Variants in SPATA16 observed in about 807,000 individuals in gnomAD.
SPATA16 encodes the protein spermatogenesis-associated protein 16.
A neutral mutation model predicts 63.3 loss-of-function variants in SPATA16; 36 were observed. That is an observed-to-expected ratio of 0.57 (90% CI 0.44 to 0.75). SPATA16 has a LOEUF of 0.75. Ranked by LOEUF, SPATA16 falls within the 30% of genes least tolerant of loss-of-function variation. SPATA16 has a pLI of 0.00. For missense variants in SPATA16, 646 were observed against 679.3 expected (o/e 0.95, Z 0.54); for synonymous variants, 203 against 216.7 (o/e 0.94, Z 0.56).
intron 6 of SPATA16, among the ~76,000 whole-genome samples, chr3:172,928,577 G>A (rs546663111): frequency 5.3e-5 from 8 of 152,198 alleles, no homozygotes; most frequent in Admixed American, 4.6e-4. Context: ...GACTTTGAAT[G>A]GTTTACCTCT....
chr3:172,913,650 C>T lies in SPATA16; in HGVS notation c.1587+11G>A, dbSNP rs180982039. 4.8e-5 allele frequency: 77 copies of T among 1,612,462 alleles called. 1 individual carries two copies. Among genetic ancestry groups the T allele is most frequent in the Non-Finnish European group, 3.4e-6 (4 of 1,178,790 alleles). Reference sequence around the variant, plus strand: ...AATAATAGATCTTTTTCCTTCAGCTCAAAGTTTTACCTTTTGGATCATATT... The same window carrying T: ...AATAATAGATCTTTTTCCTTCAGCTTAAAGTTTTACCTTTTGGATCATATT... On this transcript the variant is annotated intron_variant, in intron 10 of 10. Transcript: ENST00000351008.
At chr3:173,019,190 C>T (rs1735260728) in intron 4 of SPATA16, among the ~76,000 whole-genome samples, 1 of 152,084 alleles carries the variant, frequency 6.6e-6, no homozygotes, top group Admixed American at 6.5e-5. Flanking sequence ...TGGACAAGAA[C>T]ATCCCCGAGA....
chr3:173,040,471 A>T (rs185526321), intron 3 of SPATA16, among the ~76,000 whole-genome samples: 1 of 152,182 alleles, frequency 6.6e-6, no homozygotes, highest in Admixed American at 6.6e-5. Flanking sequence ...TGTTGTGTCA[A>T]TATTGTAAAA....
chr3:172,970,212 A>G (rs1195316535), intron 5 of SPATA16, among the ~76,000 whole-genome samples: 1 of 152,060 alleles, frequency 6.6e-6, no homozygotes, highest in African/African-American at 2.4e-5. Flanking sequence ...CGTGATGCCT[A>G]TTTTCCTTTG....
chr3:172,988,555 C>T (rs1734505527), intron 4 of SPATA16, among the ~76,000 whole-genome samples: 2 of 151,896 alleles, frequency 1.3e-5, no homozygotes, highest in Non-Finnish European at 2.9e-5. Context: ...GAGATCCACT[C>T]AGAGATGTTC....
intron 2 of SPATA16, among the ~76,000 whole-genome samples, chr3:173,108,286 T>C (rs1426501754): frequency 6.6e-6 from 1 of 152,188 alleles, no homozygotes; most frequent in Non-Finnish European, 1.5e-5. Context: ...TTAATTTGTT[T>C]TTTAAATGAA....
At chr3:172,989,047 T>C (rs752487896) in intron 4 of SPATA16, among the ~76,000 whole-genome samples, 6 of 152,228 alleles carry the variant, frequency 3.9e-5, no homozygotes, top group Non-Finnish European at 8.8e-5. Flanking sequence ...TTCAGCACTT[T>C]TCTAGACCCC....
At chr3:173,056,429 G>A (rs758188680) in intron 2 of SPATA16, among the ~76,000 whole-genome samples, 2 of 152,108 alleles carry the variant, frequency 1.3e-5, no homozygotes, top group East Asian at 1.9e-4. Flanking sequence ...AATGCCGGGC[G>A]CAGTGGCTCA....
chr3:173,084,929 T>C lies in SPATA16; in HGVS notation c.612+32191A>G, dbSNP rs553208070. On this transcript the variant is annotated intron_variant, in intron 2 of 10. Transcript: ENST00000351008. Reference sequence around the variant, plus strand: ...TGTTTTGGTTACTGTAGCCTTGTAGTATAGTTTGAAGTTGGATAGCGTGAT... The same window carrying C: ...TGTTTTGGTTACTGTAGCCTTGTAGCATAGTTTGAAGTTGGATAGCGTGAT... Among the ~76,000 whole-genome samples, 34 of 152,328 alleles carry C rather than the reference T, an allele frequency of 2.2e-4. 1 individual carries two copies. The South Asian group carries it at 5.4e-3, about 24-fold the overall frequency.
intron 4 of SPATA16, among the ~76,000 whole-genome samples, chr3:173,016,850 C>T (rs981082772): frequency 1.3e-5 from 2 of 152,030 alleles, no homozygotes; most frequent in Admixed American, 6.5e-5. Context: ...CCCATCTAGA[C>T]TAAAAATACA....
At chr3:172,953,656 G>T (rs899269520) in intron 6 of SPATA16, among the ~76,000 whole-genome samples, 1 of 152,202 alleles carries the variant, frequency 6.6e-6, no homozygotes, top group Non-Finnish European at 1.5e-5. Context: ...GCTGATCTCA[G>T]GTAGCACCAG....
At chr3:173,060,219 T>C (rs1247290112) in intron 2 of SPATA16, among the ~76,000 whole-genome samples, 4 of 152,096 alleles carry the variant, frequency 2.6e-5, no homozygotes, top group Admixed American at 2.0e-4. Context: ...ATCGTGCCAT[T>C]GCACTCCAGC....
chr3:173,137,628 C>G (rs1344880779), intron 1 of SPATA16, among the ~76,000 whole-genome samples: 1 of 152,100 alleles, frequency 6.6e-6, no homozygotes, highest in Non-Finnish European at 1.5e-5. Context: ...GGTAATGACT[C>G]TCATATTTAA....
chr3:173,013,107 G>T (rs1735107644), intron 4 of SPATA16, among the ~76,000 whole-genome samples: 1 of 152,024 alleles, frequency 6.6e-6, no homozygotes, highest in Non-Finnish European at 1.5e-5. Context: ...ATTAGGCAAA[G>T]AACATGAACA....
intron 2 of SPATA16, among the ~76,000 whole-genome samples, chr3:173,077,858 T>C (rs1736842875): frequency 6.6e-6 from 1 of 152,178 alleles, no homozygotes; most frequent in Non-Finnish European, 1.5e-5. Flanking sequence ...TCCAATCTCC[T>C]GTTTGCCTAT....
intron 1 of SPATA16, among the ~76,000 whole-genome samples, chr3:173,131,167 G>C (rs919986850): frequency 6.6e-6 from 1 of 151,898 alleles, no homozygotes; most frequent in Admixed American, 6.6e-5. Flanking sequence ...AAAAAATTTT[G>C]GTTTGTGCAA....
chr3:172,922,885 G>A lies in SPATA16; in HGVS notation c.1338+1323C>T, dbSNP rs537083641. On this transcript the variant is annotated intron_variant, in intron 8 of 10. Coordinates refer to ENST00000351008, the MANE Select transcript of SPATA16 (RefSeq NM_031955.6). ...TGCAATGAGCCAAGACCGCACCACT[G>A]CACTCCAACCCGGGTGACAGGGTGA... Among the ~76,000 whole-genome samples the A allele has an allele frequency of 6.8e-4, 103 of 152,218 alleles. 1 individual carries two copies. Among genetic ancestry groups the A allele is most frequent in the African/African-American group, 2.3e-3 (97 of 41,528 alleles).
chr3:173,134,368 A>G (rs1343357234), intron 1 of SPATA16, among the ~76,000 whole-genome samples: 1 of 152,064 alleles, frequency 6.6e-6, no homozygotes, highest in Non-Finnish European at 1.5e-5. Flanking sequence ...AAATTCTTGT[A>G]ATCCCAGCTA....
intron 2 of SPATA16, among the ~76,000 whole-genome samples, chr3:173,101,707 G>T (rs575862291): frequency 6.6e-6 from 1 of 152,004 alleles, no homozygotes; most frequent in South Asian, 2.1e-4. Context: ...CTCCCCTCTA[G>T]CTTAGCAACC....
Sources: allele counts gnomAD v4.1 joint callset (sites outside exome capture counted in the v4.1 genomes callset), GRCh38; gene constraint gnomAD v4.1.1; transcripts MANE v1.5; gene names NCBI Gene and HGNC (gene_info 2026-07-23, HGNC 2026-07-21).